EMC1: variants seen among roughly 807,000 people sequenced by gnomAD.
The protein encoded by EMC1 is ER membrane protein complex subunit 1.
In EMC1, 103 loss-of-function variants were observed where a neutral mutation model predicts 128.8. The observed-to-expected ratio is 0.80, with a 90% confidence interval of 0.68 to 0.94. The LOEUF is 0.94. Ranked by LOEUF, EMC1 falls within the 40% of genes least tolerant of loss-of-function variation. The probability of loss-of-function intolerance (pLI) is 0.00; values close to 1 mark genes in which losing one functional copy is unlikely to be tolerated. For missense variants in EMC1, 1,083 were observed against 1,250.6 expected (o/e 0.87, Z 2.02); for synonymous variants, 442 against 490.4 (o/e 0.90, Z 1.30).
At position 19,240,866 on chromosome 1, in the gene EMC1, A is replaced by T. The variant is rs1572022351; in HGVS notation, c.636+150T>A. 7 of 881,608 alleles carry T rather than the reference A, an allele frequency of 7.9e-6. No individual in the cohort carries two copies. The East Asian group carries it at 1.7e-4, about 21-fold the overall frequency. The allele number at this position is 881,608 out of a possible 1,614,324, so 54.6% of individuals were successfully genotyped here. ...TATGAGTACTTTAAATAGAGGCCTA[A>T]TGGGAAGGCAGCTGGCAAGTGACCA... On this transcript the variant is annotated intron_variant, in intron 6 of 22. Transcript: ENST00000477853.
chr1:19,228,399 G>C (rs1485028225), intron 17 of EMC1, among the ~76,000 whole-genome samples: 1 of 152,080 alleles, frequency 6.6e-6, no homozygotes, highest in Non-Finnish European at 1.5e-5. Context: ...GTGTATGATT[G>C]TTTATGGTCA....
At chr1:19,228,269 G>A (rs918746757) in intron 17 of EMC1, among the ~76,000 whole-genome samples, 6 of 151,502 alleles carry the variant, frequency 4.0e-5, no homozygotes, top group Admixed American at 6.6e-5. Context: ...ATAGTATCCC[G>A]TTGTTTATCT....
Position 19,235,765 on chromosome 1 carries a change from C to T in EMC1, c.1310-513G>A, listed in dbSNP as rs192814504. Among the ~76,000 whole-genome samples the T allele has an allele frequency of 5.3e-3, 808 of 151,912 alleles. 6 individuals are homozygous for T. The highest frequency in any genetic ancestry group is 0.018 in the African/African-American group (750 of 41,474). On this transcript the variant is annotated intron_variant, in intron 12 of 22. Transcript: ENST00000477853. ...AAAATTAGCCAAGCATGGTGGCGAG[C>T]GCCTGTAGTCACAGCTACTTAGGAG...
intron 12 of EMC1, 118 bp from the exon 13 acceptor site, chr1:19,235,370 C>T: frequency 9.4e-7 from 1 of 1,061,944 alleles, no homozygotes. Flanking sequence ...GAATTTGAGA[C>T]CAGCCTGGAC....
chr1:19,251,134 G>T (rs998985430), intron 1 of EMC1, among the ~76,000 whole-genome samples: 4 of 152,196 alleles, frequency 2.6e-5, no homozygotes, highest in African/African-American at 4.8e-5. Context: ...GGGAGGACGG[G>T]ATCAGTGATC....
chr1:19,220,880 T>A (rs745776028), intron 20 of EMC1, 32 bp from the exon 21 acceptor site: 3 of 1,504,412 alleles, frequency 2.0e-6, no homozygotes, highest in Non-Finnish European at 2.8e-6. Context: ...TTCACACCGA[T>A]CCAGTGTCCA....
intron 17 of EMC1, among the ~76,000 whole-genome samples, chr1:19,230,438 C>T (rs1322171515): frequency 3.3e-5 from 5 of 152,226 alleles, no homozygotes; most frequent in African/African-American, 1.2e-4. Flanking sequence ...GGCGCGGTGG[C>T]GCACGCCTGT....
rs539019120 is a variant in EMC1, at chr1:19,242,084, G to A, written c.509+261C>T. ...GGCACAAAGTACCATAACCATGAGC[G>A]AGTGAGTGGCTCCCGTAGCATGGCT... On this transcript the variant is annotated intron_variant, in intron 5 of 22. Transcript: ENST00000477853. Among the ~76,000 whole-genome samples, 5 of 152,240 alleles carry A rather than the reference G, an allele frequency of 3.3e-5. No individual in the cohort carries two copies. In the South Asian group the frequency reaches 8.3e-4, roughly 25 times the overall value.
rs531216580 is a variant in EMC1 at position 19,246,746 on chromosome 1, C to T, written c.96-1716G>A. The stretch of plus-strand genomic sequence containing the variant: ...AGTGAGCCAAGATCATGCCACTGTA[C>T]TCCGGCGTGGGTGACAGAGCAAGAC... On this transcript the variant is annotated intron_variant, in intron 1 of 22. Transcript: ENST00000477853. 2.0e-5 allele frequency among the ~76,000 whole-genome samples: 3 copies of T among 152,150 alleles called. No individual in the cohort carries two copies. In the East Asian group the frequency reaches 5.8e-4, roughly 29 times the overall value.
At chr1:19,223,018 G>A (rs2093443920) in intron 19 of EMC1, 184 bp from the exon 20 acceptor site, 8 of 579,684 alleles carry the variant, frequency 1.4e-5, no homozygotes, top group Admixed American at 6.6e-5. Context: ...CTAGGCTATC[G>A]AAAGTTCACC....
chr1:19,247,239 T>C (rs1264038255), intron 1 of EMC1, among the ~76,000 whole-genome samples: 2 of 152,252 alleles, frequency 1.3e-5, no homozygotes, highest in Middle Eastern at 3.2e-3. Flanking sequence ...GGGATCTCAC[T>C]GTGCTGCCTA....
chr1:19,231,678 T>G (rs1158302888), intron 15 of EMC1, among the ~76,000 whole-genome samples: 1 of 152,164 alleles, frequency 6.6e-6, no homozygotes, highest in East Asian at 1.9e-4. Flanking sequence ...GGAAGTACAG[T>G]GGCATGATCA....
intron 5 of EMC1, among the ~76,000 whole-genome samples, 164 bp from the exon 6 acceptor site, chr1:19,241,306 G>C (rs1048135924): frequency 2.0e-5 from 3 of 152,152 alleles, no homozygotes; most frequent in Non-Finnish European, 2.9e-5. Flanking sequence ...TTCTTAATTT[G>C]AATTAGTTGT....
intron 2 of EMC1, 121 bp downstream of exon 2, chr1:19,244,785 C>T: frequency 2.7e-6 from 3 of 1,117,524 alleles, no homozygotes; most frequent in Non-Finnish European, 3.9e-6. Context: ...TATCAGAATC[C>T]ACTAGGAGAG....
intron 9 of EMC1, 75 bp from the exon 10 acceptor site, chr1:19,238,932 T>G: frequency 9.1e-7 from 1 of 1,095,872 alleles, no homozygotes; most frequent in Admixed American, 1.8e-5. Flanking sequence ...AGCTTTTGTT[T>G]TTGTCTTCTT....
At chr1:19,240,868 G>A in intron 6 of EMC1, 148 bp downstream of exon 6, 1 of 895,336 alleles carries the variant, frequency 1.1e-6, no homozygotes, top group South Asian at 1.6e-5. Context: ...GAGGCCTAAT[G>A]GGAAGGCAGC....
rs2093412454 is a variant in EMC1, at chr1:19,219,208, C to T, written c.*95G>A. 1 of 1,262,268 alleles carries T rather than the reference C, an allele frequency of 7.9e-7. No homozygotes were observed. Among genetic ancestry groups the T allele is most frequent in the South Asian group, 1.3e-5 (1 of 78,156 alleles). 78.2% of individuals were successfully genotyped at this position (1,262,268 alleles called of 1,614,324 possible). ...CAGTTCTTAGCTGAGCACTGACACA[C>T]ACACATACTCCACCAATCCACCAAA... On this transcript the variant is annotated 3_prime_UTR_variant, in exon 23 of 23. Transcript: ENST00000477853.
Position 19,223,376 on chromosome 1 carries a change from C to T in EMC1, c.2376+20G>A. ...GGAGACCTCTGGAGCTACCTTGGGTCCCTGGTAGTGACCGCTTACCACCAC... is the reference window on the plus strand; with the variant it reads ...GGAGACCTCTGGAGCTACCTTGGGTTCCTGGTAGTGACCGCTTACCACCAC... On this transcript the variant is annotated intron_variant, in intron 19 of 22. Transcript: ENST00000477853. 3 of 1,609,874 alleles carry T rather than the reference C, an allele frequency of 1.9e-6. No individual in the cohort carries two copies. Among genetic ancestry groups the T allele is most frequent in the Non-Finnish European group, 2.5e-6 (3 of 1,176,696 alleles).
intron 18 of EMC1, among the ~76,000 whole-genome samples, 194 bp from the exon 19 acceptor site, chr1:19,223,763 T>A (rs1235510927): frequency 6.6e-6 from 1 of 152,226 alleles, no homozygotes; most frequent in African/African-American, 2.4e-5. Flanking sequence ...CCATGCCAGG[T>A]ACCTTGTATT....
Sources: gnomAD v4.1 joint callset for allele counts (sites outside exome capture counted in the v4.1 genomes callset) on GRCh38, gnomAD v4.1.1 for gene constraint, MANE v1.5 for transcripts, NCBI Gene and HGNC (gene_info 2026-07-23, HGNC 2026-07-21) for gene names.